CNBD1: variants seen among roughly 807,000 people sequenced by gnomAD.
The protein encoded by CNBD1 is cyclic nucleotide-binding domain-containing protein 1.
CNBD1 carries 71 observed loss-of-function variants against 54.4 expected under a neutral mutation model. The observed-to-expected ratio is 1.30, with a 90% CI of 1.08 to 1.59. The LOEUF is 1.59. Ranked by LOEUF, CNBD1 falls within the 40% of genes most tolerant of loss-of-function variation. The pLI is 0.00. For missense variants in CNBD1, 659 were observed against 518.0 expected (o/e 1.27, Z -2.64); for synonymous variants, 182 against 170.7 (o/e 1.07, Z -0.51).
At chr8:87,282,298 T>C (rs1808615682) in intron 6 of CNBD1, among the ~76,000 whole-genome samples, 1 of 151,718 alleles carries the variant, frequency 6.6e-6, no homozygotes, top group Admixed American at 6.6e-5. Flanking sequence ...AAGAGTACCA[T>C]ATTAGTCATT....
At chr8:87,138,922 G>A (rs1190340995) in intron 4 of CNBD1, among the ~76,000 whole-genome samples, 1 of 152,154 alleles carries the variant, frequency 6.6e-6, no homozygotes, top group African/African-American at 2.4e-5. Flanking sequence ...TATATTTTAG[G>A]AGGCTTTATT....
intron 2 of CNBD1, among the ~76,000 whole-genome samples, chr8:87,405,270 A>G (rs1453499879): frequency 6.6e-6 from 1 of 152,118 alleles, no homozygotes; most frequent in Non-Finnish European, 1.5e-5. Context: ...TACTTAATTT[A>G]TATACTTTTT....
chr8:87,253,295 G>A (rs1031393360), intron 6 of CNBD1, among the ~76,000 whole-genome samples: 2 of 152,094 alleles, frequency 1.3e-5, no homozygotes, highest in African/African-American at 2.4e-5. Flanking sequence ...AGCCCGGGGA[G>A]AGAGGGAGCA....
intron 4 of CNBD1, among the ~76,000 whole-genome samples, chr8:87,156,364 C>T (rs1586295448): frequency 6.7e-6 from 1 of 148,930 alleles, no homozygotes; most frequent in African/African-American, 2.5e-5. Flanking sequence ...CGTGCCTCAG[C>T]CTTCCATGTA....
chr8:87,218,481 T>G (rs1237837261), intron 5 of CNBD1, among the ~76,000 whole-genome samples: 1 of 152,086 alleles, frequency 6.6e-6, no homozygotes, highest in African/African-American at 2.4e-5. Context: ...CATGTAAAAG[T>G]GATTTTTAAA....
At chr8:87,186,101 A>G (rs994226685) in intron 4 of CNBD1, among the ~76,000 whole-genome samples, 4 of 152,256 alleles carry the variant, frequency 2.6e-5, no homozygotes, top group South Asian at 2.1e-4. Flanking sequence ...ATTTAAATCT[A>G]TACTTGTTAA....
chr8:87,256,016 T>TATATATACATA (rs1491444638), intron 6 of CNBD1, among the ~76,000 whole-genome samples: 3 of 12,142 alleles, frequency 2.5e-4, no homozygotes, highest in Non-Finnish European at 4.1e-4. Context: ...TATATATATA[T>TATATATACATA]TTTTTTTTTT....
chr8:87,238,229 A>C (rs1807621713), intron 6 of CNBD1, among the ~76,000 whole-genome samples: 2 of 152,080 alleles, frequency 1.3e-5, no homozygotes, highest in African/African-American at 4.8e-5. Flanking sequence ...AGTGGGGGAA[A>C]GGGTAGAGAG....
At chr8:87,278,995 T>C (rs184844391) in intron 6 of CNBD1, among the ~76,000 whole-genome samples, 21 of 151,620 alleles carry the variant, frequency 1.4e-4, no homozygotes, top group African/African-American at 5.1e-4. Context: ...AATTCCATTA[T>C]TATGTTTAAA....
At chr8:87,421,645 G>A (rs1409418479) in intron 2 of CNBD1, among the ~76,000 whole-genome samples, 5 of 151,754 alleles carry the variant, frequency 3.3e-5, no homozygotes, top group African/African-American at 1.2e-4. Context: ...CGGTGTATAT[G>A]TGCCACATTT....
Position 87,326,254 on chromosome 8 carries a change from A to C in CNBD1, c.1043-25431A>C, listed in dbSNP as rs542941670. On this transcript the variant is annotated intron_variant, in intron 8 of 10. Coordinates refer to ENST00000518476, the MANE Select transcript of CNBD1 (RefSeq NM_173538.3). ...CCTTAACATTTTTTCCTTCATTTCA[A>C]CTTTGGTGAATCTGACAATGATGTG... Among the ~76,000 whole-genome samples the C allele has an allele frequency of 2.5e-4, 30 of 121,124 alleles. 7 individuals carry two copies. Among genetic ancestry groups the C allele is most frequent in the African/African-American group, 8.3e-4 (27 of 32,686 alleles). The allele number at this position is 121,124 out of a possible 152,430, so 79.5% of individuals were successfully genotyped here. A position where few individuals can be genotyped will look rare whatever the true frequency, so the allele number is the denominator to read the frequency against.
At chr8:87,261,922 G>A in intron 6 of CNBD1, among the ~76,000 whole-genome samples, 1 of 151,370 alleles carries the variant, frequency 6.6e-6, no homozygotes, top group East Asian at 1.9e-4. Flanking sequence ...GAGGCAGGGA[G>A]ATTGCTTGAG....
chr8:87,146,235 TTATAA>T (rs1281118038), intron 4 of CNBD1, among the ~76,000 whole-genome samples: 2 of 152,102 alleles, frequency 1.3e-5, no homozygotes, highest in African/African-American at 4.8e-5. Flanking sequence ...TCTCCTAAAA[TTATAA>T]TATATTTGCA....
intron 4 of CNBD1, among the ~76,000 whole-genome samples, chr8:87,131,951 T>G (rs879794612): frequency 6.6e-6 from 1 of 152,064 alleles, no homozygotes; most frequent in Non-Finnish European, 1.5e-5. Context: ...CAAGACTGAC[T>G]TTGTTTCCCT....
chr8:86,908,324 A>G (rs964933682), intron 3 of CNBD1, among the ~76,000 whole-genome samples: 8 of 152,238 alleles, frequency 5.3e-5, no homozygotes, highest in Non-Finnish European at 1.2e-4. Flanking sequence ...ATTTTGGTAT[A>G]TTCATATATG....
chr8:87,390,976 C>T (rs113181384), intron 2 of CNBD1, among the ~76,000 whole-genome samples: 1,810 of 151,060 alleles, frequency 0.012, 38 homozygotes, highest in African/African-American at 0.039. Context: ...TCATTCTCAG[C>T]AAACTATCAC....
At chr8:87,307,790 A>G (rs4573302) in intron 8 of CNBD1, among the ~76,000 whole-genome samples, 54,835 of 146,574 alleles carry the variant, frequency 0.37, 10,660 homozygotes, top group Middle Eastern at 0.44. Context: ...ATTGCAAGAA[A>G]GCTTCATGGA....
intron 10 of CNBD1, among the ~76,000 whole-genome samples, chr8:87,377,875 G>A (rs1004107978): frequency 6.6e-6 from 1 of 151,358 alleles, no homozygotes; most frequent in East Asian, 1.9e-4. Flanking sequence ...TCTCACTGTG[G>A]TTTCGATTTG....
At chr8:87,212,016 T>C (rs1417058989) in intron 5 of CNBD1, among the ~76,000 whole-genome samples, 1 of 152,128 alleles carries the variant, frequency 6.6e-6, no homozygotes, top group African/African-American at 2.4e-5. Flanking sequence ...GGATTAATAA[T>C]GAAGTCTATC....
Sources: allele counts gnomAD v4.1 joint callset (sites outside exome capture counted in the v4.1 genomes callset), GRCh38; gene constraint gnomAD v4.1.1; transcripts MANE v1.5; gene names NCBI Gene and HGNC (gene_info 2026-07-23, HGNC 2026-07-21).